GPR152: variants seen among roughly 807,000 people sequenced by gnomAD.
GPR152 encodes the protein G protein-coupled receptor 152.
For missense variants in GPR152, 549 were observed against 617.2 expected, an observed-to-expected ratio of 0.89 and a Z score of 1.17; for synonymous variants, 278 against 289.0, an observed-to-expected ratio of 0.96 and a Z score of 0.39.
chr11:67,452,260 G>A lies in GPR152; in HGVS notation c.465C>T (p.Val155=). The A allele has an allele frequency of 6.2e-7, 1 of 1,610,602 alleles. No homozygotes were observed. Among genetic ancestry groups the A allele is most frequent in the South Asian group, 1.1e-5 (1 of 91,078 alleles). Residue 155 remains valine, a synonymous_variant, in exon 1 of 1, where the codon GTC becomes GTT. Transcript: ENST00000312457. ...VRLPLWVCAG[V]WVLATLFSVP... ...CGCTGAAGAGTGTGGCCAGCACCCA[G>A]ACACCGGCGCAGACCCAGAGGGGCA...
At position 67,452,581 on chromosome 11, in the gene GPR152, C is replaced by T; in HGVS notation, c.144G>A (p.Gly48=). ...ALLLLGLPAN[G]LMAWLAGSQA... The stretch of plus-strand genomic sequence containing the variant: ...GGGAGCCGGCCAGCCACGCCATCAA[C>T]CCATTGGCTGGCAGCCCAAGGAGCA... The change falls in exon 1 of 1, where the codon GGG becomes GGA. Residue 48 remains glycine, a synonymous_variant. Transcript: ENST00000312457. 1 of 1,611,580 alleles carries T rather than the reference C, an allele frequency of 6.2e-7. No individual in the cohort carries two copies. Among genetic ancestry groups the T allele is most frequent in the East Asian group, 2.2e-5 (1 of 44,798 alleles).
chr11:67,451,776 G>C lies in GPR152; in HGVS notation c.949C>G (p.Leu317Val), dbSNP rs1638559. ...RSVLSSFAAA[L>V]CEERPGSFTP... ...AAGCTGCCCGGCCGCTCCTCGCAGA[G>C]AGCTGCCGCGAAGGACGAGAGCACG... is the stretch of plus-strand genomic sequence containing the variant. The change falls in exon 1 of 1, where the codon CTC becomes GTC. Residue 317 changes from leucine (L) to valine (V), a missense_variant. Transcript: ENST00000312457. The C allele has an allele frequency of 0.023, 36,635 of 1,613,186 alleles. 6,740 individuals are homozygous for C. In the African/African-American group the frequency reaches 0.41, roughly 18 times the overall value.
chr11:67,451,814 G>T lies in GPR152; in HGVS notation c.911C>A (p.Thr304Asn). 6.2e-7 allele frequency: 1 copy of T among 1,613,224 alleles called. No individual in the cohort carries two copies. The highest frequency in any genetic ancestry group is 8.5e-7 in the Non-Finnish European group (1 of 1,179,990). ...LCLMASADLR[T>N]LLRSVLSSFA... ...GGACGAGAGCACGGAGCGCAGCAGGGTCCGGAGGTCGGCACTGGCCATGAG... is the reference window on the plus strand; with the variant it reads ...GGACGAGAGCACGGAGCGCAGCAGGTTCCGGAGGTCGGCACTGGCCATGAG... Residue 304 changes from threonine to asparagine, a missense_variant, in exon 1 of 1, where the codon ACC (threonine) becomes AAC (asparagine). Physicochemically the swap from Thr to Asn is moderately conservative, Grantham distance 65 (BLOSUM62 0). Transcript: ENST00000312457.
In GPR152 at chr11:67,451,940, G is replaced by A. The variant is rs1402287482; in HGVS notation, c.785C>T (p.Ala262Val). The change falls in exon 1 of 1, where the codon GCC becomes GTC. Residue 262 changes from alanine to valine, a missense_variant. Ala to Val is a moderately conservative substitution (Grantham distance 64). Transcript: ENST00000312457. ...PYQLAQLLYL[A>V]FLWDVYSGYL... ...GCCAGAGTAGACGTCCCACAGGAAG[G>A]CCAGGTAGAGCAGCTGGGCCAGCTG... is the stretch of plus-strand genomic sequence containing the variant. 2.5e-6 allele frequency: 4 copies of A among 1,610,158 alleles called. No individual in the cohort carries two copies. The highest frequency in any genetic ancestry group is 3.4e-6 in the Non-Finnish European group (4 of 1,180,008).
rs369472274 is a variant in GPR152 at position 67,452,524 on chromosome 11, C to T, written c.201G>A (p.Ala67=). The T allele has an allele frequency of 5.6e-6, 9 of 1,606,650 alleles. No homozygotes were observed. Among genetic ancestry groups the T allele is most frequent in the South Asian group, 2.2e-5 (2 of 90,328 alleles). The change falls in exon 1 of 1, where the codon GCG becomes GCA. Residue 67 remains alanine, a synonymous_variant. Transcript: ENST00000312457. The stretch of plus-strand genomic sequence containing the variant: ...AGAGGGCCAGGCTGAGCAGGAGCAG[C>T]GCCAGACGCGTGCCAGCTCCATGCC... The part of the protein sequence containing the change: ...QARHGAGTRL[A]LLLLSLALSD...
At position 67,451,681 on chromosome 11, in the gene GPR152, G is replaced by C; in HGVS notation, c.1044C>G (p.Ala348=). 1.2e-6 allele frequency: 2 copies of C among 1,613,952 alleles called. No homozygotes were observed. The highest frequency in any genetic ancestry group is 1.7e-6 in the Non-Finnish European group (2 of 1,180,032). The change falls in exon 1 of 1, where the codon GCC becomes GCG. Residue 348 remains alanine (A), a synonymous_variant. Transcript: ENST00000312457. ...GGGCCACAGGATCCATCTGTGACTG[G>C]GCCTCTGCCATCGGCTCTGGCAGAG... is the stretch of plus-strand genomic sequence containing the variant. The part of the protein sequence containing the change: ...GPTLPEPMAE[A]QSQMDPVAQP...
chr11:67,451,897 G>C lies in GPR152; in HGVS notation c.828C>G (p.Ala276=). Residue 276 remains alanine (A), a synonymous_variant, in exon 1 of 1, where the codon GCC becomes GCG. Transcript: ENST00000312457. ...GGATCAGGTAGTCGGAGTAGACCAG[G>C]GCCTCCCAGAGCAGGTAGCCAGAGT... The part of the protein sequence containing the change: ...DVYSGYLLWE[A]LVYSDYLILL... 1 of 1,611,892 alleles carries C rather than the reference G, an allele frequency of 6.2e-7. No homozygotes were observed. The highest frequency in any genetic ancestry group is 1.1e-5 in the South Asian group (1 of 91,090).
chr11:67,452,575 C>A lies in GPR152; in HGVS notation c.150G>T (p.Met50Ile). ...LLLGLPANGL[M>I]AWLAGSQARH... ...GGGCCTGGGAGCCGGCCAGCCACGCCATCAACCCATTGGCTGGCAGCCCAA... is the reference window on the plus strand; with the variant it reads ...GGGCCTGGGAGCCGGCCAGCCACGCAATCAACCCATTGGCTGGCAGCCCAA... The change falls in exon 1 of 1, where the codon ATG (methionine) becomes ATT (isoleucine). Residue 50 changes from methionine to isoleucine, a missense_variant. By Grantham distance (10) the Met-to-Ile change is conservative (BLOSUM62 1). Coordinates refer to ENST00000312457, the MANE Select transcript of GPR152 (RefSeq NM_206997.1). 1 of 1,611,036 alleles carries A rather than the reference C, an allele frequency of 6.2e-7. No homozygotes were observed. Among genetic ancestry groups the A allele is most frequent in the Non-Finnish European group, 8.5e-7 (1 of 1,178,924 alleles).
chr11:67,452,264 C>T lies in GPR152; in HGVS notation c.461G>A (p.Gly154Asp), dbSNP rs554436929. The change falls in exon 1 of 1, where the codon GGT becomes GAT. Residue 154 changes from glycine to aspartate, a missense_variant. Physicochemically the swap from Gly to Asp is moderately conservative, Grantham distance 94. Transcript: ENST00000312457. The stretch of plus-strand genomic sequence containing the variant: ...GAAGAGTGTGGCCAGCACCCAGACA[C>T]CGGCGCAGACCCAGAGGGGCAGGCG... Reference protein sequence around the residue: ...PVRLPLWVCAGVWVLATLFSV... With the variant: ...PVRLPLWVCADVWVLATLFSV... The T allele has an allele frequency of 1.1e-4, 173 of 1,610,702 alleles. 1 individual carries two copies. In the South Asian group the frequency reaches 1.7e-3, roughly 16 times the overall value.
In GPR152 at chr11:67,451,712, C is replaced by A. The variant is rs1283093202; in HGVS notation, c.1013G>T (p.Gly338Val). Residue 338 changes from glycine (G) to valine (V), a missense_variant, in exon 1 of 1, where the codon GGT becomes GTT. Coordinates refer to ENST00000312457, the MANE Select transcript of GPR152 (RefSeq NM_206997.1). The stretch of plus-strand genomic sequence containing the variant: ...TGCCATCGGCTCTGGCAGAGTTGGA[C>A]CCTCAGAATCTAGCTGGGTCTGTGG... Reference protein sequence around the residue: ...TEPQTQLDSEGPTLPEPMAEA... With the variant: ...TEPQTQLDSEVPTLPEPMAEA... The A allele has an allele frequency of 6.2e-7, 1 of 1,613,696 alleles. No individual in the cohort carries two copies. Among genetic ancestry groups the A allele is most frequent in the African/African-American group, 1.3e-5 (1 of 74,932 alleles).
chr11:67,452,344 G>C lies in GPR152; in HGVS notation c.381C>G (p.Leu127=), dbSNP rs554577764. The change falls in exon 1 of 1, where the codon CTC becomes CTG. Residue 127 remains leucine (L), a synonymous_variant. Coordinates refer to ENST00000312457, the MANE Select transcript of GPR152 (RefSeq NM_206997.1). ...GGCACAGCGCCAGCAGGCAGCGGTC[G>C]AGGCTGAGGGCGGCCAGCAGGAAGA... ...SGLFLLAALS[L]DRCLLALCPH... is the part of the protein sequence containing the mutation. 7.4e-6 allele frequency: 12 copies of C among 1,611,728 alleles called. No individual in the cohort carries two copies. The South Asian group carries it at 1.2e-4, about 16-fold the overall frequency.
Position 67,452,436 on chromosome 11 carries a change from A to G in GPR152, c.289T>C (p.Trp97Arg), listed in dbSNP as rs1339469115. The G allele has an allele frequency of 7.4e-6, 12 of 1,612,660 alleles. No individual in the cohort carries two copies. Among genetic ancestry groups the G allele is most frequent in the Non-Finnish European group, 1.0e-5 (12 of 1,179,896 alleles). The change falls in exon 1 of 1, where the codon TGG (tryptophan) becomes CGG (arginine). Residue 97 changes from tryptophan to arginine, a missense_variant. Coordinates refer to ENST00000312457, the MANE Select transcript of GPR152 (RefSeq NM_206997.1). ...CGGCAGGCAGCTGTCCCCAGCGGCC[A>G]GTGTCCCCCATGCCGGATCTCTAGG... is the stretch of plus-strand genomic sequence containing the variant. ...QILEIRHGGH[W>R]PLGTAACRFY...
chr11:67,451,765 C>T lies in GPR152; in HGVS notation c.960G>A (p.Glu320=). The change falls in exon 1 of 1, where the codon GAG becomes GAA. Residue 320 remains glutamate, a synonymous_variant. Coordinates refer to ENST00000312457, the MANE Select transcript of GPR152 (RefSeq NM_206997.1). ...LSSFAAALCE[E]RPGSFTPTEP... Reference sequence around the variant, plus strand: ...CAGTGGGCGTGAAGCTGCCCGGCCGCTCCTCGCAGAGAGCTGCCGCGAAGG... The same window carrying T: ...CAGTGGGCGTGAAGCTGCCCGGCCGTTCCTCGCAGAGAGCTGCCGCGAAGG... 1.9e-6 allele frequency: 3 copies of T among 1,613,332 alleles called. No individual in the cohort carries two copies. In the South Asian group the frequency reaches 3.3e-5, roughly 18 times the overall value.
In GPR152 at chr11:67,451,723, T is replaced by G. The variant is rs1486410999; in HGVS notation, c.1002A>C (p.Leu334=). 4.3e-6 allele frequency: 7 copies of G among 1,613,748 alleles called. No homozygotes were observed. Among genetic ancestry groups the G allele is most frequent in the Non-Finnish European group, 5.9e-6 (7 of 1,180,026 alleles). Residue 334 remains leucine, a synonymous_variant, in exon 1 of 1, where the codon CTA becomes CTC. Coordinates refer to ENST00000312457, the MANE Select transcript of GPR152 (RefSeq NM_206997.1). ...SFTPTEPQTQ[L]DSEGPTLPEP... is the part of the protein sequence containing the mutation. ...CTGGCAGAGTTGGACCCTCAGAATC[T>G]AGCTGGGTCTGTGGCTCAGTGGGCG... is the stretch of plus-strand genomic sequence containing the variant.
rs765042957 is a variant in GPR152, at chr11:67,451,977, T to C, written c.748A>G (p.Arg250Gly). Residue 250 changes from arginine to glycine, a missense_variant, in exon 1 of 1, where the codon AGG (arginine) becomes GGG (glycine). Arg to Gly is a moderately radical substitution (Grantham distance 125, BLOSUM62 -2). Coordinates refer to ENST00000312457, the MANE Select transcript of GPR152 (RefSeq NM_206997.1). The part of the protein sequence containing the change: ...RTILSAYVVL[R>G]LPYQLAQLLY... ...AGCTGGGCCAGCTGGTAGGGCAGCC[T>C]CAGGACCACATAGGCTGACAGAATG... 6.2e-7 allele frequency: 1 copy of C among 1,611,110 alleles called. No individual in the cohort carries two copies. Among genetic ancestry groups the C allele is most frequent in the Non-Finnish European group, 8.5e-7 (1 of 1,179,956 alleles).
Position 67,452,593 on chromosome 11 carries a change from C to T in GPR152, c.132G>A (p.Leu44=), listed in dbSNP as rs201706901. 1.9e-6 allele frequency: 3 copies of T among 1,611,986 alleles called. No homozygotes were observed. In the East Asian group the frequency reaches 6.7e-5, roughly 36 times the overall value. The change falls in exon 1 of 1, where the codon CTG becomes CTA. Residue 44 remains leucine, a synonymous_variant. Transcript: ENST00000312457. ...GCCACGCCATCAACCCATTGGCTGG[C>T]AGCCCAAGGAGCAGCAGGGCCACCA... ...VFLVALLLLG[L]PANGLMAWLA... is the part of the protein sequence containing the mutation.
rs147312583 is a variant in GPR152 at position 67,452,531 on chromosome 11, C to T, written c.194G>A (p.Arg65His). 124 of 1,606,358 alleles carry T rather than the reference C, an allele frequency of 7.7e-5. No individual in the cohort carries two copies. The highest frequency in any genetic ancestry group is 8.3e-5 in the Non-Finnish European group (98 of 1,176,906). Residue 65 changes from arginine (R) to histidine (H), a missense_variant, in exon 1 of 1, where the codon CGT becomes CAT. By Grantham distance (29) the Arg-to-His change is conservative (BLOSUM62 0). Coordinates refer to ENST00000312457, the MANE Select transcript of GPR152 (RefSeq NM_206997.1). ...GSQARHGAGT[R>H]LALLLLSLAL... Reference sequence around the variant, plus strand: ...CAGGCTGAGCAGGAGCAGCGCCAGACGCGTGCCAGCTCCATGCCGGGCCTG... The same window carrying T: ...CAGGCTGAGCAGGAGCAGCGCCAGATGCGTGCCAGCTCCATGCCGGGCCTG...
chr11:67,451,389 C>T lies in GPR152; in HGVS notation c.1336G>A (p.Ala446Thr). The T allele has an allele frequency of 6.2e-7, 1 of 1,612,176 alleles. No homozygotes were observed. Among genetic ancestry groups the T allele is most frequent in the South Asian group, 1.1e-5 (1 of 91,034 alleles). ...TCTCCTTCAGAGGCAGGAGGTGTGG[C>T]TGGGTCCTCAAGGGCCCCTGGGGTA... The part of the protein sequence containing the change: ...HPTPGALEDP[A>T]TPPASEGESP... The change falls in exon 1 of 1, where the codon GCC becomes ACC. Residue 446 changes from alanine (A) to threonine (T), a missense_variant. Physicochemically the swap from Ala to Thr is moderately conservative, Grantham distance 58. Coordinates refer to ENST00000312457, the MANE Select transcript of GPR152 (RefSeq NM_206997.1).
At position 67,452,642 on chromosome 11, in the gene GPR152, T is replaced by C. The variant is rs1038429610; in HGVS notation, c.83A>G (p.Gln28Arg). ...CAGGAAGACCGTGTCCCAGCCACCT[T>C]GGGGGTAGGAGTCCTCATCATCAAG... is the stretch of plus-strand genomic sequence containing the variant. ...TELDDEDSYP[Q>R]GGWDTVFLVA... is the part of the protein sequence containing the mutation. Residue 28 changes from glutamine to arginine, a missense_variant, in exon 1 of 1, where the codon CAA becomes CGA. Coordinates refer to ENST00000312457, the MANE Select transcript of GPR152 (RefSeq NM_206997.1). The C allele has an allele frequency of 3.1e-6, 5 of 1,613,412 alleles. No individual in the cohort carries two copies. In the Admixed American group the frequency reaches 8.3e-5, roughly 27 times the overall value.
Sources: gnomAD v4.1 joint callset for allele counts on GRCh38, gnomAD v4.1.1 for gene constraint, MANE v1.5 for transcripts, NCBI Gene and HGNC (gene_info 2026-07-23, HGNC 2026-07-21) for gene names.